STAG1: variants seen among roughly 807,000 people sequenced by gnomAD.
STAG1 encodes the protein cohesin subunit SA-1.
In STAG1, 26 loss-of-function variants were observed where a neutral mutation model predicts 170.9. The ratio of observed to expected loss-of-function variants is 0.15; its 90% CI spans 0.11 to 0.21. The LOEUF (loss-of-function observed/expected upper bound fraction) is 0.21. STAG1 is among the 10% of genes least tolerant of loss of function. The pLI is 1.00. For missense variants in STAG1, 964 were observed against 1,509.5 expected (o/e 0.64, Z 5.99); for synonymous variants, 514 against 497.7 (o/e 1.03, Z -0.44).
intron 3 of STAG1, among the ~76,000 whole-genome samples, chr3:136,605,628 C>T (rs954219492): frequency 6.6e-6 from 1 of 152,170 alleles, no homozygotes; most frequent in South Asian, 2.1e-4. Context: ...AGTCCTTATG[C>T]TCTCTATTGA....
At chr3:136,716,505 G>A (rs528774342) in intron 1 of STAG1, among the ~76,000 whole-genome samples, 1 of 152,242 alleles carries the variant, frequency 6.6e-6, no homozygotes, top group East Asian at 1.9e-4. Context: ...TTCCTGCCAG[G>A]CACGCTGGCT....
intron 4 of STAG1, among the ~76,000 whole-genome samples, chr3:136,581,833 T>A (rs1318519393): frequency 6.6e-6 from 1 of 152,066 alleles, no homozygotes; most frequent in Non-Finnish European, 1.5e-5. Context: ...ATATCAACAG[T>A]GGAAAAAATT....
chr3:136,590,448 G>A (rs1037441366), intron 4 of STAG1, among the ~76,000 whole-genome samples: 4 of 145,722 alleles, frequency 2.7e-5, no homozygotes, highest in East Asian at 2.1e-4. Context: ...AGCTGAGATC[G>A]CGCCACTGCA....
At position 136,531,488 on chromosome 3, in the gene STAG1, T is replaced by C. The variant is rs962121608; in HGVS notation, c.472-10071A>G. Among the ~76,000 whole-genome samples the C allele has an allele frequency of 6.3e-4, 94 of 149,042 alleles. 1 individual carries two copies. The highest frequency in any genetic ancestry group is 1.2e-3 in the Non-Finnish European group (81 of 66,948). ...CTGTTTATTGCGGCATTATTCACAA[T>C]AGCAAAGACTTGGAACCAACCCAAA... On this transcript the variant is annotated intron_variant, in intron 6 of 33. Coordinates refer to ENST00000383202, the MANE Select transcript of STAG1 (RefSeq NM_005862.3).
intron 5 of STAG1, among the ~76,000 whole-genome samples, chr3:136,559,406 CAAT>C (rs1936751793): frequency 6.6e-6 from 1 of 152,024 alleles, no homozygotes; most frequent in African/African-American, 2.4e-5. Flanking sequence ...AAAAAGCAGA[CAAT>C]AAAGAGTATG....
intron 19 of STAG1, 100 bp from the exon 20 acceptor site, chr3:136,421,263 GTATA>G (rs1454705324): frequency 3.4e-6 from 2 of 592,460 alleles, no homozygotes; most frequent in African/African-American, 3.9e-5. Context: ...TATATTAATA[GTATA>G]TATTCATTGT....
intron 22 of STAG1, among the ~76,000 whole-genome samples, chr3:136,392,387 A>G (rs2087032221): frequency 6.6e-6 from 1 of 152,208 alleles, no homozygotes; most frequent in Non-Finnish European, 1.5e-5. Flanking sequence ...AACTGAAGAA[A>G]ATATGTTAAT....
chr3:136,336,462 A>G lies in STAG1; in HGVS notation c.*1792T>C, dbSNP rs559775599. Reference sequence around the variant, plus strand: ...CATGGTAGTCTACAATTCTGTCAGCATCTGTTTTCCATACAAGACTGTCAC... The same window carrying G: ...CATGGTAGTCTACAATTCTGTCAGCGTCTGTTTTCCATACAAGACTGTCAC... On this transcript the variant is annotated 3_prime_UTR_variant, in exon 34 of 34. Transcript: ENST00000383202. 21 of 152,362 alleles carry G rather than the reference A, an allele frequency of 1.4e-4. No individual in the cohort carries two copies. Among genetic ancestry groups the G allele is most frequent in the African/African-American group, 5.0e-4 (21 of 41,590 alleles). 9.4% of individuals were successfully genotyped at this position (152,362 alleles called of 1,614,324 possible). A position where few individuals can be genotyped will look rare whatever the true frequency, so the allele number is the denominator to read the frequency against.
intron 1 of STAG1, among the ~76,000 whole-genome samples, chr3:136,661,474 T>G (rs1941576722): frequency 6.6e-6 from 1 of 152,126 alleles, no homozygotes; most frequent in African/African-American, 2.4e-5. Context: ...TTATTCAGTG[T>G]CAACAAGGGA....
chr3:136,484,905 A>G (rs1302628386), intron 9 of STAG1, among the ~76,000 whole-genome samples: 2 of 152,020 alleles, frequency 1.3e-5, no homozygotes, highest in African/African-American at 4.8e-5. Context: ...TGCGCTTCCC[A>G]GGTGAGGCAA....
intron 1 of STAG1, among the ~76,000 whole-genome samples, chr3:136,676,100 T>C (rs536116151): frequency 3.3e-5 from 5 of 152,266 alleles, no homozygotes; most frequent in South Asian, 4.1e-4. Context: ...TATCTAAACA[T>C]AGAAATGGTA....
chr3:136,707,896 C>A (rs190323993), intron 1 of STAG1, among the ~76,000 whole-genome samples: 95 of 152,244 alleles, frequency 6.2e-4, no homozygotes, highest in African/African-American at 2.2e-3. Flanking sequence ...CCCAATATCA[C>A]CACACTGGGG....
At chr3:136,563,647 CAA>C (rs772716937) in intron 5 of STAG1, among the ~76,000 whole-genome samples, 7 of 97,958 alleles carry the variant, frequency 7.1e-5, no homozygotes, top group Admixed American at 1.2e-4. Flanking sequence ...TTCTTTCTTA[CAA>C]AAAAAAAAAA....
At position 136,356,775 on chromosome 3, in the gene STAG1, C is replaced by T. The variant is rs186091915; in HGVS notation, c.3065+945G>A. 6.6e-5 allele frequency among the ~76,000 whole-genome samples: 10 copies of T among 151,454 alleles called. No homozygotes were observed. In the East Asian group the frequency reaches 7.9e-4, roughly 12 times the overall value. On this transcript the variant is annotated intron_variant, in intron 28 of 33. Coordinates refer to ENST00000383202, the MANE Select transcript of STAG1 (RefSeq NM_005862.3). ...ATTTTATTTTATTTTTTTATTGAGA[C>T]GGAGTCTCGCTCTGTCACCCAGGCT...
intron 2 of STAG1, among the ~76,000 whole-genome samples, chr3:136,628,004 C>A (rs928377553): frequency 2.6e-5 from 4 of 152,166 alleles, no homozygotes; most frequent in Admixed American, 1.3e-4. Flanking sequence ...CTCTATCATG[C>A]TGATACGGTT....
At chr3:136,478,437 G>C (rs1486410342) in intron 9 of STAG1, among the ~76,000 whole-genome samples, 1 of 152,050 alleles carries the variant, frequency 6.6e-6, no homozygotes, top group Non-Finnish European at 1.5e-5. Flanking sequence ...AAGGTTATTA[G>C]CCTTAGCTTT....
chr3:136,610,933 A>C (rs553277367), intron 3 of STAG1, among the ~76,000 whole-genome samples: 1 of 152,092 alleles, frequency 6.6e-6, no homozygotes, highest in South Asian at 2.1e-4. Context: ...TTTAATCATC[A>C]TCATAGTTTC....
rs537270218 is a variant in STAG1 at position 136,452,699 on chromosome 3, C to G, written c.1314-552G>C. On this transcript the variant is annotated intron_variant, in intron 13 of 33. Transcript: ENST00000383202. ...TATAAAATGTAAAGGGAAACTTTTA[C>G]AATGAACAATCAATGTTCAAATATG... 9.2e-5 allele frequency among the ~76,000 whole-genome samples: 14 copies of G among 152,240 alleles called. 1 individual carries two copies. The South Asian group carries it at 2.9e-3, about 32-fold the overall frequency.
intron 7 of STAG1, among the ~76,000 whole-genome samples, chr3:136,515,950 AAAAGT>A (rs1264263184): frequency 6.6e-6 from 1 of 152,202 alleles, no homozygotes. Context: ...ACAACGGTGA[AAAAGT>A]AAAGTAAGAC....
Sources: allele counts gnomAD v4.1 joint callset (sites outside exome capture counted in the v4.1 genomes callset), GRCh38; gene constraint gnomAD v4.1.1; transcripts MANE v1.5; gene names NCBI Gene and HGNC (gene_info 2026-07-23, HGNC 2026-07-21).